The following ATP10D variants were observed in gnomAD, a reference collection of about 807,000 sequenced individuals.
ATP10D encodes the protein phospholipid-transporting ATPase VD.
ATP10D carries 89 observed loss-of-function variants against 144.8 expected under a neutral mutation model. That is an observed-to-expected ratio of 0.61 (90% CI 0.52 to 0.73). The LOEUF is 0.73. Ranked by LOEUF, ATP10D falls within the 30% of genes least tolerant of loss-of-function variation. The pLI is 0.00. For missense variants in ATP10D, 1,603 were observed against 1,714.8 expected, an observed-to-expected ratio of 0.93 and a Z score of 1.15; for synonymous variants, 571 against 615.1, an observed-to-expected ratio of 0.93 and a Z score of 1.06.
At chr4:47,495,884 T>C (rs572961265) in intron 1 of ATP10D, among the ~76,000 whole-genome samples, 201 of 152,262 alleles carry the variant, frequency 1.3e-3, no homozygotes, top group African/African-American at 4.5e-3. Flanking sequence ...ATTACCGGCA[T>C]GCGCCACCGC....
intron 1 of ATP10D, among the ~76,000 whole-genome samples, chr4:47,500,250 A>T (rs1246715341): frequency 6.6e-6 from 1 of 152,228 alleles, no homozygotes; most frequent in African/African-American, 2.4e-5. Flanking sequence ...AAAATACCAA[A>T]GTAAATTATG....
chr4:47,586,914 T>G, intron 21 of ATP10D, 105 bp from the exon 22 acceptor site: 1 of 959,664 alleles, frequency 1.0e-6, no homozygotes. Context: ...ACACCATTCA[T>G]CCAGTGCTTA....
intron 16 of ATP10D, among the ~76,000 whole-genome samples, chr4:47,571,800 A>C (rs1461187368): frequency 6.6e-6 from 1 of 152,192 alleles, no homozygotes; most frequent in Non-Finnish European, 1.5e-5. Context: ...GAAAAATTGA[A>C]ATCCAGAAAA....
chr4:47,573,163 CTA>C (rs561502540), intron 18 of ATP10D, among the ~76,000 whole-genome samples, 166 bp downstream of exon 18: 88 of 152,280 alleles, frequency 5.8e-4, no homozygotes, highest in Non-Finnish European at 4.9e-4. Context: ...TGGGAATGTG[CTA>C]TGTTTCAGCT....
chr4:47,559,703 C>T (rs140382248), intron 13 of ATP10D, among the ~76,000 whole-genome samples: 1 of 152,220 alleles, frequency 6.6e-6, no homozygotes, highest in East Asian at 1.9e-4. Context: ...AGTCAACCAG[C>T]TGCATAAGGA....
At chr4:47,570,943 T>G (rs996906124) in intron 16 of ATP10D, among the ~76,000 whole-genome samples, 2 of 152,208 alleles carry the variant, frequency 1.3e-5, no homozygotes, top group African/African-American at 4.8e-5. Context: ...AACTGAGGAC[T>G]TGGCATATCA....
chr4:47,550,719 A>G (rs142649257), intron 10 of ATP10D, among the ~76,000 whole-genome samples: 2,834 of 152,304 alleles, frequency 0.019, 58 homozygotes, highest in Middle Eastern at 0.037. Flanking sequence ...GTTCAACTCA[A>G]TTAGGATGAA....
intron 18 of ATP10D, among the ~76,000 whole-genome samples, chr4:47,573,884 AT>A (rs11319483): frequency 0.52 from 77,882 of 150,354 alleles, 21,004 homozygotes; most frequent in East Asian, 0.7. Flanking sequence ...CAGTAGGAAC[AT>A]TTTTTTTTTT....
At chr4:47,557,261 A>G (rs1173684370) in intron 11 of ATP10D, among the ~76,000 whole-genome samples, 3 of 152,076 alleles carry the variant, frequency 2.0e-5, no homozygotes, top group Non-Finnish European at 4.4e-5. Flanking sequence ...AGATAAGATC[A>G]TGGAATTCCT....
At chr4:47,583,047 G>C (rs1720602190) in intron 21 of ATP10D, 2 of 152,224 alleles carry the variant, frequency 1.3e-5, no homozygotes, top group Non-Finnish European at 2.9e-5. Flanking sequence ...GGAGACTGAG[G>C]AGGAGGCTCA....
intron 3 of ATP10D, 151 bp downstream of exon 3, chr4:47,515,821 C>G (rs1313545633): frequency 3.0e-4 from 181 of 605,356 alleles, no homozygotes; most frequent in Non-Finnish European, 9.4e-5. Flanking sequence ...TCGTAAAGTC[C>G]TATGGTGAAT....
chr4:47,576,709 G>A (rs1720260928), intron 18 of ATP10D, 64 bp from the exon 19 acceptor site: 1 of 1,480,006 alleles, frequency 6.8e-7, no homozygotes, highest in East Asian at 2.3e-5. Context: ...GCAGCATTTG[G>A]AATGTGTAAT....
At position 47,565,832 on chromosome 4, in the gene ATP10D, A is replaced by G. The variant is rs548602151; in HGVS notation, c.2853+2067A>G. The stretch of plus-strand genomic sequence containing the variant: ...CACAATTTATCTTATGTTTAAAGGC[A>G]TTTAAAACTATCGATTCAAGAAGTA... On this transcript the variant is annotated intron_variant, in intron 15 of 22. Coordinates refer to ENST00000273859, the MANE Select transcript of ATP10D (RefSeq NM_020453.4). Among the ~76,000 whole-genome samples the G allele has an allele frequency of 2.0e-5, 3 of 152,304 alleles. No individual in the cohort carries two copies. In the South Asian group the frequency reaches 6.2e-4, roughly 32 times the overall value.
intron 10 of ATP10D, among the ~76,000 whole-genome samples, chr4:47,549,047 G>C (rs976427836): frequency 1.3e-5 from 2 of 152,172 alleles, no homozygotes; most frequent in Non-Finnish European, 2.9e-5. Context: ...TGCTAGGCAG[G>C]GTGCTGATGA....
At chr4:47,507,715 C>T (rs1048744668) in intron 1 of ATP10D, among the ~76,000 whole-genome samples, 6 of 152,152 alleles carry the variant, frequency 3.9e-5, no homozygotes, top group Non-Finnish European at 7.3e-5. Flanking sequence ...GGTATGTTCC[C>T]GACTTTGAAG....
chr4:47,572,644 CGTGTGTGTGTGT>C (rs72171059), intron 17 of ATP10D, among the ~76,000 whole-genome samples: 9 of 145,306 alleles, frequency 6.2e-5, no homozygotes, highest in East Asian at 2.0e-4. Flanking sequence ...TTTGTGCGCA[CGTGTGTGTGTGT>C]GTGTGTGTGT....
At chr4:47,549,504 T>C (rs937430015) in intron 10 of ATP10D, among the ~76,000 whole-genome samples, 2 of 152,240 alleles carry the variant, frequency 1.3e-5, no homozygotes, top group African/African-American at 2.4e-5. Flanking sequence ...CACCATAGAT[T>C]AGCAATAAAT....
At chr4:47,569,193 C>T (rs750954450) in intron 16 of ATP10D, 47 bp downstream of exon 16, 1 of 1,563,342 alleles carries the variant, frequency 6.4e-7, no homozygotes, top group Admixed American at 1.7e-5. Flanking sequence ...TTTCACACCA[C>T]ACCAGACACC....
intron 15 of ATP10D, among the ~76,000 whole-genome samples, chr4:47,565,946 A>G (rs1472131563): frequency 1.3e-5 from 2 of 152,194 alleles, no homozygotes; most frequent in Non-Finnish European, 2.9e-5. Context: ...CAACAAACAT[A>G]ATTTAGTTTT....
Sources: allele counts gnomAD v4.1 joint callset (sites outside exome capture counted in the v4.1 genomes callset), GRCh38; gene constraint gnomAD v4.1.1; transcripts MANE v1.5; gene names NCBI Gene and HGNC (gene_info 2026-07-23, HGNC 2026-07-21).